GLDC: variants seen among roughly 807,000 people sequenced by gnomAD.
GLDC encodes the protein glycine dehydrogenase (decarboxylating), mitochondrial.
GLDC carries 104 observed loss-of-function variants against 121.3 expected under a neutral mutation model. The observed-to-expected ratio is 0.86, with a 90% CI of 0.73 to 1.01. GLDC has a LOEUF of 1.01. GLDC is among the 50% of genes least tolerant of loss of function. The pLI, the probability that GLDC is intolerant of heterozygous loss-of-function variation, is 0.00. For synonymous variants in GLDC, 546 were observed against 480.6 expected (o/e 1.14, Z -1.78); for missense variants, 1,429 against 1,306.6 (o/e 1.09, Z -1.44).
At chr9:6,621,107 T>C (rs576650137) in intron 2 of GLDC, among the ~76,000 whole-genome samples, 7 of 152,118 alleles carry the variant, frequency 4.6e-5, no homozygotes, top group South Asian at 4.2e-4. Flanking sequence ...GAGGCAGAGA[T>C]TGTAGTGAGC....
At chr9:6,564,575 G>T (rs1170569861) in intron 16 of GLDC, among the ~76,000 whole-genome samples, 4 of 152,148 alleles carry the variant, frequency 2.6e-5, no homozygotes, top group East Asian at 1.9e-4. Flanking sequence ...CCTGCTCTCG[G>T]CTCCTAGGCG....
Position 6,595,136 on chromosome 9 carries a change from T to G in GLDC, c.1156-17A>C. 1 of 1,525,572 alleles carries G rather than the reference T, an allele frequency of 6.6e-7. No homozygotes were observed. The highest frequency in any genetic ancestry group is 9.1e-7 in the Non-Finnish European group (1 of 1,099,356). 94.5% of individuals were successfully genotyped at this position (1,525,572 alleles called of 1,614,324 possible). ...CAAGAGGGCCTAAAAGATAAGAACA[T>G]TTAAAGAATCACGTGATGGAGGACA... On this transcript the variant is annotated splice_polypyrimidine_tract_variant and intron_variant, in intron 8 of 24. Coordinates refer to ENST00000321612, the MANE Select transcript of GLDC (RefSeq NM_000170.3).
chr9:6,613,272 A>G (rs1818898073), intron 3 of GLDC, among the ~76,000 whole-genome samples: 1 of 152,216 alleles, frequency 6.6e-6, no homozygotes, highest in South Asian at 2.1e-4. Flanking sequence ...TAACATAACT[A>G]CAGTTAACAT....
intron 16 of GLDC, among the ~76,000 whole-genome samples, chr9:6,561,391 G>A (rs911650656): frequency 1.2e-4 from 19 of 152,174 alleles, no homozygotes; most frequent in Non-Finnish European, 7.3e-5. Flanking sequence ...GCTCATGTCT[G>A]TAATCCCAGC....
intron 20 of GLDC, among the ~76,000 whole-genome samples, chr9:6,552,085 C>T (rs1817526839): frequency 1.3e-5 from 2 of 152,080 alleles, no homozygotes; most frequent in African/African-American, 4.8e-5. Flanking sequence ...TACGTGGGGG[C>T]CTAGGGTGAG....
intron 2 of GLDC, among the ~76,000 whole-genome samples, chr9:6,637,538 T>C (rs1819530381): frequency 6.6e-6 from 1 of 152,034 alleles, no homozygotes; most frequent in Non-Finnish European, 1.5e-5. Context: ...CAACCTTCTC[T>C]TCCCTGCAAC....
chr9:6,563,981 C>T (rs976938886), intron 16 of GLDC, among the ~76,000 whole-genome samples: 3 of 151,960 alleles, frequency 2.0e-5, no homozygotes, highest in East Asian at 1.9e-4. Context: ...CGCAGTGGCT[C>T]ACACCTATAA....
At chr9:6,540,239 G>T in intron 21 of GLDC, 93 bp from the exon 22 acceptor site, 3 of 847,992 alleles carry the variant, frequency 3.5e-6, no homozygotes, top group Non-Finnish European at 6.1e-6. Context: ...AAGTGCATCA[G>T]CTTTTTATGT....
rs1819331518 is a variant in GLDC, at chr9:6,629,953, ATATATTT to A, written c.335-9641_335-9635del. Among the ~76,000 whole-genome samples the A allele has an allele frequency of 8.4e-5, 6 of 71,720 alleles. No individual in the cohort carries two copies. The East Asian group carries it at 1.9e-3, about 23-fold the overall frequency. The allele number at this position is 71,720 out of a possible 152,430, so 47.1% of individuals were successfully genotyped here. A position where few individuals can be genotyped will look rare whatever the true frequency, so the allele number is the denominator to read the frequency against. On this transcript the variant is annotated intron_variant, in intron 2 of 24. Coordinates refer to ENST00000321612, the MANE Select transcript of GLDC (RefSeq NM_000170.3). ...ACTATATATATATATATGTATATAT[ATATATTT>A]TTTTTTTTTAAGAGAGACAAGGTCT...
Position 6,588,598 on chromosome 9 carries a change from AAAAGGCCAC to A in GLDC, c.1665+11_1665+19del. The A allele has an allele frequency of 1.3e-6, 2 of 1,589,850 alleles. No homozygotes were observed. The highest frequency in any genetic ancestry group is 8.6e-7 in the Non-Finnish European group (1 of 1,157,904). ...GATTGGGGTAGCTTGGAAATGAGAA[AAAAGGCCAC>A]AAATAACTACCAGTGGAATCATGCT... is the stretch of plus-strand genomic sequence containing the variant. On this transcript the variant is annotated intron_variant, in intron 13 of 24. Transcript: ENST00000321612.
At chr9:6,595,156 AGGACAATTAGTG>A in intron 8 of GLDC, 37 bp from the exon 9 acceptor site, 2 of 1,320,066 alleles carry the variant, frequency 1.5e-6, no homozygotes, top group Admixed American at 3.4e-5. Context: ...CACGTGATGG[AGGACAATTAGTG>A]GGAGGGTGTA....
Position 6,553,476 on chromosome 9 carries a change from A to C in GLDC, c.2349T>G (p.His783Gln). The C allele has an allele frequency of 6.2e-7, 1 of 1,613,896 alleles. No homozygotes were observed. The highest frequency in any genetic ancestry group is 1.1e-5 in the South Asian group (1 of 91,068). Residue 783 changes from histidine (H) to glutamine (Q), a missense_variant, in exon 20 of 25, where the codon CAT (histidine) becomes CAG (glutamine). By Grantham distance (24) the His-to-Gln change is conservative. Transcript: ENST00000321612. ...KKHLAPFLPN[H>Q]PVISLKRNED... Reference sequence around the variant, plus strand: ...CATTCCGCTTTAGTGAAATGACGGGATGATTGGGCAAAAACGGGGCGAGAT... The same window carrying C: ...CATTCCGCTTTAGTGAAATGACGGGCTGATTGGGCAAAAACGGGGCGAGAT...
At chr9:6,636,303 CAA>C (rs199905592) in intron 2 of GLDC, among the ~76,000 whole-genome samples, 1 of 100,818 alleles carries the variant, frequency 9.9e-6, no homozygotes. Context: ...GACTCCGTCT[CAA>C]AAAAAAAAAA....
At chr9:6,554,574 A>G in intron 19 of GLDC, 95 bp downstream of exon 19, 1 of 885,232 alleles carries the variant, frequency 1.1e-6, no homozygotes, top group Non-Finnish European at 1.9e-6. Context: ...GGTATCCTCA[A>G]CACATGAAGA....
At chr9:6,573,002 G>T (rs777762456) in intron 15 of GLDC, among the ~76,000 whole-genome samples, 1 of 152,078 alleles carries the variant, frequency 6.6e-6, no homozygotes, top group Admixed American at 6.6e-5. Context: ...TTTTTTATTT[G>T]CTGCCCTTTT....
chr9:6,546,740 T>A (rs975984381), intron 21 of GLDC, among the ~76,000 whole-genome samples: 1 of 151,656 alleles, frequency 6.6e-6, no homozygotes, highest in Non-Finnish European at 1.5e-5. Context: ...GGTGGGAGGA[T>A]CACCTGAGGT....
At chr9:6,565,533 C>T in intron 15 of GLDC, 104 bp from the exon 16 acceptor site, 2 of 848,602 alleles carry the variant, frequency 2.4e-6, no homozygotes, top group Non-Finnish European at 4.1e-6. Context: ...GCACGTGACA[C>T]ATGGTCACTG....
chr9:6,613,651 T>C (rs1818906882), intron 3 of GLDC, among the ~76,000 whole-genome samples: 1 of 152,204 alleles, frequency 6.6e-6, no homozygotes, highest in South Asian at 2.1e-4. Flanking sequence ...ATTTAACGAG[T>C]TCCTTCCAGT....
chr9:6,551,004 C>T, intron 20 of GLDC, 90 bp from the exon 21 acceptor site: 2 of 852,904 alleles, frequency 2.3e-6, no homozygotes, highest in South Asian at 1.3e-5. Context: ...AGATAAACTC[C>T]ACCCACAAAG....
Sources: gnomAD v4.1 joint callset for allele counts (sites outside exome capture counted in the v4.1 genomes callset) on GRCh38, gnomAD v4.1.1 for gene constraint, MANE v1.5 for transcripts, NCBI Gene and HGNC (gene_info 2026-07-23, HGNC 2026-07-21) for gene names.